The following GADL1 variants were observed in gnomAD, a reference collection of about 807,000 sequenced individuals.
The protein encoded by GADL1 is acidic amino acid decarboxylase GADL1.
GADL1 carries 71 observed loss-of-function variants against 69.5 expected under a neutral mutation model. The ratio of observed to expected loss-of-function variants is 1.02; its 90% confidence interval spans 0.84 to 1.25. GADL1 has a LOEUF of 1.25. Ranked by LOEUF, GADL1 falls within the 50% of genes most tolerant of loss-of-function variation. The pLI, the probability that GADL1 is intolerant of heterozygous loss-of-function variation, is 0.00. For missense variants in GADL1, 737 were observed against 631.8 expected (o/e 1.17, Z -1.79); for synonymous variants, 254 against 214.4 (o/e 1.18, Z -1.62).
intron 1 of GADL1, among the ~76,000 whole-genome samples, chr3:30,882,586 G>C (rs1698657875): frequency 6.6e-6 from 1 of 151,898 alleles, no homozygotes; most frequent in Non-Finnish European, 1.5e-5. Flanking sequence ...TACTTGGGTA[G>C]CTTCCACCTC....
chr3:30,762,966 T>C (rs1696178127), intron 14 of GADL1, among the ~76,000 whole-genome samples: 1 of 152,114 alleles, frequency 6.6e-6, no homozygotes, highest in Non-Finnish European at 1.5e-5. Context: ...TACCATACTT[T>C]ATCTGTAGAT....
rs1698580432 is a variant in GADL1 at position 30,876,692 on chromosome 3, C to G, written c.38-14927G>C. On this transcript the variant is annotated intron_variant, in intron 1 of 14. Transcript: ENST00000282538. ...CTATTTTGGTCAGAACCTACTCTTG[C>G]CCACTTACATGCCAAGTGTGAAGAT... 1.3e-5 allele frequency among the ~76,000 whole-genome samples: 2 copies of G among 151,882 alleles called. 1 individual carries two copies. Among genetic ancestry groups the G allele is most frequent in the South Asian group, 4.1e-4 (2 of 4,824 alleles).
chr3:30,860,246 G>A (rs748839090), intron 2 of GADL1, among the ~76,000 whole-genome samples: 1 of 151,722 alleles, frequency 6.6e-6, no homozygotes, highest in African/African-American at 2.4e-5. Context: ...GGGACCCCCC[G>A]CTGCCTTTTC....
chr3:30,757,736 C>A (rs1029127529), intron 14 of GADL1, among the ~76,000 whole-genome samples: 1 of 151,976 alleles, frequency 6.6e-6, no homozygotes, highest in Non-Finnish European at 1.5e-5. Flanking sequence ...TGAAGGAGTT[C>A]TACAACTCCT....
chr3:30,728,140 T>C lies in GADL1; in HGVS notation c.*102A>G, dbSNP rs977351119. On this transcript the variant is annotated 3_prime_UTR_variant, in exon 15 of 15. Coordinates refer to ENST00000282538, the MANE Select transcript of GADL1 (RefSeq NM_207359.3). ...GGGCCTGGACTGGGAGTATTCCCTA[T>C]TTCTCATCAGAAGGGCTGCAATCTA... The C allele has an allele frequency of 1.0e-5, 11 of 1,049,604 alleles. No individual in the cohort carries two copies. In the African/African-American group the frequency reaches 1.1e-4, roughly 10 times the overall value. 65.0% of individuals were successfully genotyped at this position (1,049,604 alleles called of 1,614,324 possible).
intron 13 of GADL1, among the ~76,000 whole-genome samples, chr3:30,781,945 G>A (rs942163956): frequency 6.6e-6 from 1 of 152,110 alleles, no homozygotes; most frequent in African/African-American, 2.4e-5. Flanking sequence ...ATATTTGAAG[G>A]GAAACATTAA....
chr3:30,783,221 AAGT>A (rs1158604251), intron 13 of GADL1, among the ~76,000 whole-genome samples: 1 of 152,012 alleles, frequency 6.6e-6, no homozygotes, highest in African/African-American at 2.4e-5. Flanking sequence ...AGAAAAGAAA[AAGT>A]TGAATAATTA....
In GADL1 at chr3:30,844,374, C is replaced by G. The variant is rs775109610; in HGVS notation, c.731+13G>C. On this transcript the variant is annotated intron_variant, in intron 7 of 14. Transcript: ENST00000282538. Reference sequence around the variant, plus strand: ...CCTCCACCCACCAGGCTTCCAGATCCTGTTCCCATTACCTTCCATCTGTTT... The same window carrying G: ...CCTCCACCCACCAGGCTTCCAGATCGTGTTCCCATTACCTTCCATCTGTTT... 4 of 1,606,046 alleles carry G rather than the reference C, an allele frequency of 2.5e-6. 1 individual carries two copies. In the South Asian group the frequency reaches 4.4e-5, roughly 18 times the overall value.
intron 11 of GADL1, among the ~76,000 whole-genome samples, chr3:30,819,540 G>T (rs1361032701): frequency 6.6e-6 from 1 of 152,032 alleles, no homozygotes; most frequent in Admixed American, 6.6e-5. Flanking sequence ...AGATTAATTG[G>T]AAAGTAATTT....
In GADL1 at chr3:30,739,993, T is replaced by C. The variant is rs561931357; in HGVS notation, c.1393-11578A>G. On this transcript the variant is annotated intron_variant, in intron 14 of 14. Coordinates refer to ENST00000282538, the MANE Select transcript of GADL1 (RefSeq NM_207359.3). Reference sequence around the variant, plus strand: ...AAAGCAAGTTACACATTATTTTTTATGGAGCTTGCTCAACACTCCTAGTGT... The same window carrying C: ...AAAGCAAGTTACACATTATTTTTTACGGAGCTTGCTCAACACTCCTAGTGT... 1.7e-3 allele frequency among the ~76,000 whole-genome samples: 259 copies of C among 152,350 alleles called. 1 individual carries two copies. The highest frequency in any genetic ancestry group is 6.1e-3 in the African/African-American group (253 of 41,572).
At chr3:30,764,505 C>A (rs1575192126) in intron 14 of GADL1, among the ~76,000 whole-genome samples, 1 of 152,076 alleles carries the variant, frequency 6.6e-6, no homozygotes, top group Non-Finnish European at 1.5e-5. Flanking sequence ...ATTTTCTTTC[C>A]AACTCTTTCG....
In GADL1 at chr3:30,819,082, A is replaced by G. The variant is rs368320479; in HGVS notation, c.1050+14771T>C. On this transcript the variant is annotated intron_variant, in intron 11 of 14. Transcript: ENST00000282538. ...CTCTAGTTTCTGCTTGAACATATTG[A>G]CGTGGGAGATTGAGGGGGAGGCTTC... Among the ~76,000 whole-genome samples, 53 of 152,024 alleles carry G rather than the reference A, an allele frequency of 3.5e-4. 2 individuals carry two copies. In the East Asian group the frequency reaches 8.6e-3, roughly 25 times the overall value.
At chr3:30,851,449 G>A (rs1322533980) in intron 4 of GADL1, among the ~76,000 whole-genome samples, 1 of 152,130 alleles carries the variant, frequency 6.6e-6, no homozygotes, top group African/African-American at 2.4e-5. Flanking sequence ...GTATAAATGA[G>A]GAGTGTTTTG....
At chr3:30,816,496 C>G (rs1158061923) in intron 11 of GADL1, among the ~76,000 whole-genome samples, 3 of 145,260 alleles carry the variant, frequency 2.1e-5, no homozygotes, top group Admixed American at 1.4e-4. Flanking sequence ...TCTGACTTTG[C>G]TCTCCCCAAG....
chr3:30,768,166 A>T (rs1696329573), intron 14 of GADL1, among the ~76,000 whole-genome samples: 1 of 152,176 alleles, frequency 6.6e-6, no homozygotes, highest in Admixed American at 6.6e-5. Context: ...AATCAGGCTC[A>T]AAGCTGCATG....
chr3:30,838,946 G>T, intron 9 of GADL1, 51 bp downstream of exon 9: 1 of 1,108,956 alleles, frequency 9.0e-7, no homozygotes, highest in Non-Finnish European at 1.3e-6. Flanking sequence ...TTCTACCAAG[G>T]CTACAAAAAG....
chr3:30,837,196 TAGA>T (rs1697888423), intron 9 of GADL1, among the ~76,000 whole-genome samples: 1 of 152,102 alleles, frequency 6.6e-6, no homozygotes, highest in Non-Finnish European at 1.5e-5. Context: ...TAAAATACTC[TAGA>T]AGATTTCAAA....
chr3:30,749,007 C>T (rs1367385278), intron 14 of GADL1, among the ~76,000 whole-genome samples: 2 of 152,186 alleles, frequency 1.3e-5, no homozygotes, highest in East Asian at 3.8e-4. Context: ...CCCTCACATT[C>T]AATGTTGTGG....
chr3:30,772,069 A>T (rs1230846323), intron 14 of GADL1, among the ~76,000 whole-genome samples: 3 of 152,298 alleles, frequency 2.0e-5, no homozygotes, highest in African/African-American at 7.2e-5. Flanking sequence ...CTCATCTTCA[A>T]GTGCCGTTAA....
Sources: gnomAD v4.1 joint callset for allele counts (sites outside exome capture counted in the v4.1 genomes callset) on GRCh38, gnomAD v4.1.1 for gene constraint, MANE v1.5 for transcripts, NCBI Gene and HGNC (gene_info 2026-07-23, HGNC 2026-07-21) for gene names.